TENM3: variants seen among roughly 807,000 people sequenced by gnomAD.
The protein encoded by TENM3 is teneurin transmembrane protein 3.
In TENM3, 63 loss-of-function variants were observed where a neutral mutation model predicts 255.1. That is an observed-to-expected ratio of 0.25 (90% confidence interval 0.20 to 0.30). TENM3 has a LOEUF of 0.30. Among genes scored for constraint, TENM3 ranks in the 10% least tolerant of loss-of-function variants. The probability of loss-of-function intolerance (pLI) is 1.00; values close to 1 mark genes in which losing one functional copy is unlikely to be tolerated. For synonymous variants in TENM3, 1,306 were observed against 1,322.3 expected, an observed-to-expected ratio of 0.99 and a Z score of 0.27; for missense variants, 2,929 against 3,461.1, an observed-to-expected ratio of 0.85 and a Z score of 3.86.
the TENM3 span, among the ~76,000 whole-genome samples, chr4:181,589,164 T>A: frequency 6.6e-6 from 1 of 152,228 alleles, no homozygotes; most frequent in East Asian, 1.9e-4. Flanking sequence ...TGGTAATTTG[T>A]CTTGGAAAAG....
At chr4:181,610,449 G>A in the TENM3 span, among the ~76,000 whole-genome samples, 2 of 152,060 alleles carry the variant, frequency 1.3e-5, no homozygotes, top group African/African-American at 2.4e-5. Flanking sequence ...CCCGGGTTTT[G>A]TCAACCTAGT....
chr4:182,564,762 G>T (rs756708810), intron 3 of TENM3, among the ~76,000 whole-genome samples: 1 of 151,980 alleles, frequency 6.6e-6, no homozygotes, highest in African/African-American at 2.4e-5. Flanking sequence ...CCTCCATCTG[G>T]TAGTTGATCT....
chr4:182,699,258 A>C (rs1014933492), intron 12 of TENM3, among the ~76,000 whole-genome samples: 2 of 152,226 alleles, frequency 1.3e-5, no homozygotes, highest in African/African-American at 4.8e-5. Context: ...ATGGAGAGTT[A>C]AACCTGTTGT....
intron 3 of TENM3, among the ~76,000 whole-genome samples, chr4:182,500,833 T>C (rs1277689385): frequency 6.6e-6 from 1 of 152,132 alleles, no homozygotes; most frequent in African/African-American, 2.4e-5. Context: ...AGTTCTGATA[T>C]AGATTTATAT....
intron 3 of TENM3, among the ~76,000 whole-genome samples, chr4:182,372,882 C>T (rs1007014274): frequency 2.0e-5 from 3 of 152,102 alleles, no homozygotes; most frequent in Admixed American, 2.0e-4. Context: ...GCACGTGCCA[C>T]CACACCTGGT....
chr4:181,586,260 A>G, the TENM3 span, among the ~76,000 whole-genome samples: 1 of 152,194 alleles, frequency 6.6e-6, no homozygotes, highest in African/African-American at 2.4e-5. Context: ...TGATCACGAA[A>G]TATAGTGGAA....
At chr4:181,595,728 A>T in the TENM3 span, among the ~76,000 whole-genome samples, 1 of 152,000 alleles carries the variant, frequency 6.6e-6, no homozygotes, top group Non-Finnish European at 1.5e-5. Flanking sequence ...CTCTTCTCTC[A>T]CCAAAATCAG....
the TENM3 span, among the ~76,000 whole-genome samples, chr4:182,134,322 C>T: frequency 1.3e-5 from 2 of 152,154 alleles, no homozygotes; most frequent in African/African-American, 2.4e-5. Flanking sequence ...AAATGCAGAG[C>T]TCCATTAAGC....
At chr4:182,379,144 G>A (rs1239049499) in intron 3 of TENM3, among the ~76,000 whole-genome samples, 6 of 152,052 alleles carry the variant, frequency 3.9e-5, no homozygotes, top group Admixed American at 6.5e-5. Flanking sequence ...TTGGGAGGCC[G>A]GGGCGGGCGG....
intron 4 of TENM3, among the ~76,000 whole-genome samples, chr4:182,610,249 C>T (rs892924832): frequency 2.0e-5 from 3 of 152,134 alleles, no homozygotes; most frequent in Non-Finnish European, 4.4e-5. Flanking sequence ...AGCCTGAATG[C>T]ATTCATTCAT....
rs76310135 is a variant in TENM3 at position 182,365,315 on chromosome 4, C to T, written c.511+18386C>T. On this transcript the variant is annotated intron_variant, in intron 3 of 27. Coordinates refer to ENST00000511685, the MANE Select transcript of TENM3 (RefSeq NM_001080477.4). Reference sequence around the variant, plus strand: ...GAGATGGACTTCGAGGACACCAGCACAGTGACTCTGCTTTTTCTCCCTTGT... The same window carrying T: ...GAGATGGACTTCGAGGACACCAGCATAGTGACTCTGCTTTTTCTCCCTTGT... Among the ~76,000 whole-genome samples the T allele has an allele frequency of 7.0e-3, 1,070 of 152,312 alleles. 4 individuals carry two copies. The highest frequency in any genetic ancestry group is 0.016 in the East Asian group (85 of 5,188).
chr4:182,029,670 T>C, the TENM3 span, among the ~76,000 whole-genome samples: 1 of 152,196 alleles, frequency 6.6e-6, no homozygotes. Flanking sequence ...AACTGATTTA[T>C]AAAACAAACT....
At chr4:181,909,552 A>G in the TENM3 span, among the ~76,000 whole-genome samples, 1 of 152,188 alleles carries the variant, frequency 6.6e-6, no homozygotes, top group East Asian at 1.9e-4. Context: ...CTGTTCTTCC[A>G]GATCCACATG....
At chr4:182,240,838 AG>A (rs1213789694), upstream of TENM3, among the ~76,000 whole-genome samples, 2 of 152,320 alleles carry the variant, frequency 1.3e-5, no homozygotes, top group Middle Eastern at 3.4e-3. Context: ...TGTTTGTCAT[AG>A]GATTACTGTA....
chr4:182,757,758 A>G (rs1193297371), intron 22 of TENM3, among the ~76,000 whole-genome samples: 1 of 152,222 alleles, frequency 6.6e-6, no homozygotes, highest in Non-Finnish European at 1.5e-5. Context: ...TGGGTTGGCA[A>G]GCCAATCTTG....
In TENM3 at chr4:182,753,512, G is replaced by A. The variant is rs756039891; in HGVS notation, c.3925G>A (p.Asp1309Asn). 6.2e-7 allele frequency: 1 copy of A among 1,613,922 alleles called. No individual in the cohort carries two copies. The highest frequency in any genetic ancestry group is 8.5e-7 in the Non-Finnish European group (1 of 1,179,836). The change falls in exon 21 of 28, where the codon GAC (aspartate) becomes AAC (asparagine). Residue 1309 changes from aspartate (D) to asparagine (N), a missense_variant. This residue lies in a region of TENM3 where 1,608 missense variants were observed against 1,884.4 expected (regional missense o/e 0.85). Coordinates refer to ENST00000511685, the MANE Select transcript of TENM3 (RefSeq NM_001080477.4). ...TGATGGAACCATGATTAGGAAAGTTGACCAAAATGGAATCATATCAACTCT... is the reference window on the plus strand; with the variant it reads ...TGATGGAACCATGATTAGGAAAGTTAACCAAAATGGAATCATATCAACTCT... The part of the protein sequence containing the change: ...FVDGTMIRKV[D>N]QNGIISTLLG...
At chr4:182,652,148 T>G (rs1291844636) in intron 5 of TENM3, among the ~76,000 whole-genome samples, 1 of 152,238 alleles carries the variant, frequency 6.6e-6, no homozygotes. Context: ...ATTCATTTAT[T>G]TGACAGATAC....
At chr4:182,131,928 C>A in the TENM3 span, among the ~76,000 whole-genome samples, 1 of 152,058 alleles carries the variant, frequency 6.6e-6, no homozygotes, top group Non-Finnish European at 1.5e-5. Flanking sequence ...GGATTACCAA[C>A]TTCTACAAGC....
intron 3 of TENM3, among the ~76,000 whole-genome samples, chr4:182,490,726 T>TTGGGTACATGTGGTACAAA (rs60482694): frequency 0.9 from 136,904 of 152,134 alleles, 61,787 homozygotes; most frequent in East Asian, 0.99. Context: ...GATGGTACCT[T>TTGGGTACATGTGGTACAAA]ATGAAGGGAC....
Sources: allele counts gnomAD v4.1 joint callset (sites outside exome capture counted in the v4.1 genomes callset), GRCh38; gene constraint gnomAD v4.1.1; regional missense constraint gnomAD v4.1.1; transcripts MANE v1.5; gene names NCBI Gene and HGNC (gene_info 2026-07-23, HGNC 2026-07-21).